The following GRIK2 variants were observed in gnomAD, a reference collection of about 807,000 sequenced individuals.
GRIK2 encodes glutamate ionotropic receptor kainate type subunit 2.
GRIK2 carries 32 observed loss-of-function variants against 100.3 expected under a neutral mutation model. That is an observed-to-expected ratio of 0.32 (90% CI 0.24 to 0.43). The LOEUF is 0.43. GRIK2 is among the 20% of genes least tolerant of loss of function. The pLI, the probability that GRIK2 is intolerant of heterozygous loss-of-function variation, is 1.00. For synonymous variants in GRIK2, 417 were observed against 389.4 expected (o/e 1.07, Z -0.83); for missense variants, 843 against 1,114.9 (o/e 0.76, Z 3.47).
chr6:102,051,974 G>A (rs375153024), intron 15 of GRIK2, among the ~76,000 whole-genome samples: 14 of 152,258 alleles, frequency 9.2e-5, no homozygotes, highest in African/African-American at 3.1e-4. Context: ...ATTCATGTGG[G>A]AGTTTGAACT....
intron 9 of GRIK2, among the ~76,000 whole-genome samples, chr6:101,813,233 A>G (rs1187101153): frequency 6.6e-6 from 1 of 152,122 alleles, no homozygotes; most frequent in Non-Finnish European, 1.5e-5. Flanking sequence ...TCAAGAAAAA[A>G]TATTCACCAA....
intron 2 of GRIK2, among the ~76,000 whole-genome samples, chr6:101,567,043 G>A (rs1777312235): frequency 6.6e-6 from 1 of 151,098 alleles, no homozygotes; most frequent in South Asian, 2.1e-4. Flanking sequence ...AAATTACAGA[G>A]CGAGGAAGCT....
At chr6:101,707,604 G>GTATATATATATATA (rs1562324742) in intron 7 of GRIK2, among the ~76,000 whole-genome samples, 2 of 125,312 alleles carry the variant, frequency 1.6e-5, no homozygotes, top group East Asian at 5.1e-4. Flanking sequence ...GTATATATGT[G>GTATATATATATATA]TGTATATATA....
At chr6:101,641,970 T>C (rs928036870) in intron 4 of GRIK2, among the ~76,000 whole-genome samples, 1 of 151,972 alleles carries the variant, frequency 6.6e-6, no homozygotes, top group Non-Finnish European at 1.5e-5. Flanking sequence ...GTTTGCATTT[T>C]TCTTGGTACA....
chr6:101,703,676 G>A (rs534094855), intron 7 of GRIK2, among the ~76,000 whole-genome samples: 1 of 151,722 alleles, frequency 6.6e-6, no homozygotes, highest in East Asian at 1.9e-4. Flanking sequence ...TTTAAACATT[G>A]AATTAAGGCA....
chr6:101,533,462 C>A (rs1434196717), intron 2 of GRIK2, among the ~76,000 whole-genome samples: 1 of 151,864 alleles, frequency 6.6e-6, no homozygotes, highest in Non-Finnish European at 1.5e-5. Context: ...GCAAAAGAGG[C>A]ATGAGTCAAG....
At chr6:101,937,138 AGTT>A (rs565964615) in intron 14 of GRIK2, among the ~76,000 whole-genome samples, 1 of 152,144 alleles carries the variant, frequency 6.6e-6, no homozygotes, top group Non-Finnish European at 1.5e-5. Context: ...TGAATAAAGA[AGTT>A]GTATGCTTGA....
intron 12 of GRIK2, among the ~76,000 whole-genome samples, chr6:101,891,813 G>C (rs1166273772): frequency 2.0e-5 from 3 of 152,034 alleles, no homozygotes; most frequent in Non-Finnish European, 4.4e-5. Context: ...TAACATTTTA[G>C]CTCCAGCTTT....
At chr6:101,618,329 CTCTATTAATTTT>C (rs1488651392) in intron 2 of GRIK2, among the ~76,000 whole-genome samples, 1 of 151,322 alleles carries the variant, frequency 6.6e-6, no homozygotes, top group African/African-American at 2.4e-5. Flanking sequence ...ATCTATTTTT[CTCTATTAATTTT>C]TCATCAGATA....
At chr6:101,978,128 T>C (rs1291629915) in intron 14 of GRIK2, among the ~76,000 whole-genome samples, 1 of 151,946 alleles carries the variant, frequency 6.6e-6, no homozygotes, top group Admixed American at 6.6e-5. Context: ...TAAGCCTAGC[T>C]TCCAGGTGGC....
chr6:101,470,648 C>A (rs1047208515), intron 2 of GRIK2, among the ~76,000 whole-genome samples: 1 of 152,044 alleles, frequency 6.6e-6, no homozygotes, highest in Non-Finnish European at 1.5e-5. Flanking sequence ...GGTGATGGTT[C>A]AAGCCCTGCA....
At chr6:101,605,762 A>T (rs932768508) in intron 2 of GRIK2, among the ~76,000 whole-genome samples, 1 of 152,044 alleles carries the variant, frequency 6.6e-6, no homozygotes, top group Non-Finnish European at 1.5e-5. Flanking sequence ...ACCTTCAATG[A>T]TGACCTTGGT....
intron 2 of GRIK2, among the ~76,000 whole-genome samples, chr6:101,472,237 A>G (rs1284021560): frequency 6.6e-6 from 1 of 151,650 alleles, no homozygotes; most frequent in African/African-American, 2.4e-5. Flanking sequence ...TTCTTTTTGG[A>G]AATTTCCATG....
At chr6:101,818,565 A>G (rs1176246039) in intron 10 of GRIK2, 82 bp downstream of exon 10, 127 of 731,704 alleles carry the variant, frequency 1.7e-4, no homozygotes, top group Non-Finnish European at 1.7e-5. Context: ...TAATTGGAAC[A>G]GCAATGAACA....
intron 14 of GRIK2, among the ~76,000 whole-genome samples, chr6:102,011,986 A>G (rs1795568939): frequency 6.6e-6 from 1 of 152,070 alleles, no homozygotes. Context: ...ATCTTCTATA[A>G]TTTGTATAGG....
chr6:101,742,441 A>T (rs1302861167), intron 7 of GRIK2, among the ~76,000 whole-genome samples: 1 of 152,192 alleles, frequency 6.6e-6, no homozygotes, highest in Non-Finnish European at 1.5e-5. Flanking sequence ...ATTTACTCTG[A>T]GCCAAATATG....
intron 2 of GRIK2, among the ~76,000 whole-genome samples, chr6:101,491,897 A>G (rs532022482): frequency 1.3e-5 from 2 of 148,984 alleles, no homozygotes; most frequent in East Asian, 3.9e-4. Context: ...TTGAATGTAT[A>G]TATGTGTGTA....
At position 101,407,597 on chromosome 6, in the gene GRIK2, C is replaced by CT. The variant is rs1012719550; in HGVS notation, c.115+8214dup. On this transcript the variant is annotated intron_variant, in intron 2 of 16. Transcript: ENST00000369134. Reference sequence around the variant, plus strand: ...ATCTCATGGGTTATTGCTCTTTTCTCTTTTTTTTTCCTTAATGTGTAGCTC... The same window carrying CT: ...ATCTCATGGGTTATTGCTCTTTTCTCTTTTTTTTTTCCTTAATGTGTAGCTC... 1.8e-4 allele frequency among the ~76,000 whole-genome samples: 27 copies of CT among 151,304 alleles called. No individual in the cohort carries two copies. The South Asian group carries it at 2.3e-3, about 13-fold the overall frequency.
chr6:101,791,009 T>C (rs1779812622), intron 7 of GRIK2, among the ~76,000 whole-genome samples: 1 of 152,212 alleles, frequency 6.6e-6, no homozygotes, highest in Non-Finnish European at 1.5e-5. Context: ...GTGTTTGTAG[T>C]ATTCTCTGAT....
Sources: allele counts gnomAD v4.1 joint callset (sites outside exome capture counted in the v4.1 genomes callset), GRCh38; gene constraint gnomAD v4.1.1; transcripts MANE v1.5; gene names NCBI Gene and HGNC (gene_info 2026-07-23, HGNC 2026-07-21).